The following ARHGAP6 variants were observed in gnomAD, a reference collection of about 807,000 sequenced individuals.
The protein encoded by ARHGAP6 is Rho GTPase activating protein 6.
In ARHGAP6, 16 loss-of-function variants were observed where a neutral mutation model predicts 55.7. That is an observed-to-expected ratio of 0.29 (90% CI 0.19 to 0.44). ARHGAP6 has a LOEUF of 0.44. Among genes scored for constraint, ARHGAP6 ranks in the 20% least tolerant of loss-of-function variants. The pLI, the probability that ARHGAP6 is intolerant of heterozygous loss-of-function variation, is 1.00. For synonymous variants in ARHGAP6, 382 were observed against 360.9 expected (o/e 1.06, Z -0.66); for missense variants, 698 against 808.9 (o/e 0.86, Z 1.66).
intron 1 of ARHGAP6, among the ~76,000 whole-genome samples, chrX:11,522,154 G>T (rs1241719111): frequency 9.0e-6 from 1 of 111,588 alleles, no homozygotes; most frequent in Non-Finnish European, 1.9e-5. Flanking sequence ...ATAACGAAAT[G>T]AAGGCAGAAA....
At chrX:11,198,993 ATT>A (rs1437465210) in intron 2 of ARHGAP6, among the ~76,000 whole-genome samples, 6 of 112,067 alleles carry the variant, frequency 5.4e-5, no homozygotes, top group Non-Finnish European at 1.1e-4. Context: ...AAAGAATATG[ATT>A]TTGTTTTTCC....
chrX:11,616,844 T>A (rs2052171736), intron 1 of ARHGAP6, among the ~76,000 whole-genome samples: 3 of 111,730 alleles, frequency 2.7e-5, no homozygotes, highest in African/African-American at 9.8e-5. Flanking sequence ...TTGCTAAACA[T>A]CCCACAATAC....
intron 1 of ARHGAP6, among the ~76,000 whole-genome samples, chrX:11,321,120 G>T (rs774557271): frequency 1.7e-4 from 19 of 111,848 alleles, no homozygotes; most frequent in African/African-American, 5.8e-4. Context: ...CAATACAAAA[G>T]TCTGCATTTT....
chrX:11,162,401 T>C (rs1289160242), intron 9 of ARHGAP6, among the ~76,000 whole-genome samples: 1 of 103,060 alleles, frequency 9.7e-6, no homozygotes, highest in Non-Finnish European at 2.0e-5. Flanking sequence ...CAGTTGATTA[T>C]TGTTCTCCTT....
chrX:11,635,685 A>C (rs1048171255), intron 1 of ARHGAP6, among the ~76,000 whole-genome samples: 2 of 111,358 alleles, frequency 1.8e-5, no homozygotes, highest in Non-Finnish European at 3.8e-5. Context: ...AAGATTATAA[A>C]CCCAGAAGAA....
chrX:11,169,390 G>T, intron 9 of ARHGAP6, 115 bp downstream of exon 9: 1 of 665,050 alleles, frequency 1.5e-6, no homozygotes, highest in Non-Finnish European at 2.1e-6. Flanking sequence ...GACTTCCAAT[G>T]AATTCAGTGA....
chrX:11,296,591 CA>C (rs2048088186), intron 1 of ARHGAP6, among the ~76,000 whole-genome samples: 1 of 112,076 alleles, frequency 8.9e-6, no homozygotes, highest in Admixed American at 9.4e-5. Context: ...CTCTTCTATA[CA>C]GCACATTTGT....
At position 11,138,702 on chromosome X, in the gene ARHGAP6, G is replaced by T; in HGVS notation, c.*161C>A. ...TGGAACCTTATTCTCAATGGCGGGG[G>T]CGTGAGTGCTCTACCTCTGTAGGTG... On this transcript the variant is annotated 3_prime_UTR_variant, in exon 13 of 13. Coordinates refer to ENST00000337414, the MANE Select transcript of ARHGAP6 (RefSeq NM_013427.3). 1 of 548,332 alleles carries T rather than the reference G, an allele frequency of 1.8e-6. No individual in the cohort carries two copies. Among genetic ancestry groups the T allele is most frequent in the Non-Finnish European group, 2.9e-6 (1 of 349,178 alleles). The allele number at this position is 548,332 out of a possible 1,213,427, so 45.2% of individuals were successfully genotyped here. A position where few individuals can be genotyped will look rare whatever the true frequency, so the allele number is the denominator to read the frequency against.
chrX:11,558,903 C>T (rs1317040110), intron 1 of ARHGAP6, among the ~76,000 whole-genome samples: 1 of 102,023 alleles, frequency 9.8e-6, no homozygotes, highest in Non-Finnish European at 2.0e-5. Context: ...TGAAGCAGCT[C>T]CCCTTATGGA....
At chrX:11,662,160 T>C (rs1195859361) in intron 1 of ARHGAP6, among the ~76,000 whole-genome samples, 1 of 112,042 alleles carries the variant, frequency 8.9e-6, no homozygotes, top group African/African-American at 3.2e-5. Flanking sequence ...GACTCTCCTT[T>C]AAGGACCAAA....
At chrX:11,153,930 A>G (rs1354903915) in intron 10 of ARHGAP6, among the ~76,000 whole-genome samples, 1 of 110,631 alleles carries the variant, frequency 9.0e-6, no homozygotes, top group Admixed American at 9.6e-5. Flanking sequence ...GTCATTTAGC[A>G]TTAGGTATAT....
chrX:11,525,122 C>T (rs1234587004), intron 1 of ARHGAP6, among the ~76,000 whole-genome samples: 3 of 111,467 alleles, frequency 2.7e-5, no homozygotes, highest in East Asian at 5.6e-4. Context: ...GGCCATGTAC[C>T]GGTACTGGTC....
rs147922112 is a variant in ARHGAP6, at chrX:11,659,498, G to T, written c.588+4743C>A. Among the ~76,000 whole-genome samples the T allele has an allele frequency of 5.1e-3, 564 of 111,101 alleles. 2 individuals are homozygous for T. Among genetic ancestry groups the T allele is most frequent in the Middle Eastern group, 0.018 (4 of 217 alleles). Reference sequence around the variant, plus strand: ...TAGATGCCGGTAGGAACTCCCCTGTGGTAGACAGAATAATATACCACCAAA... The same window carrying T: ...TAGATGCCGGTAGGAACTCCCCTGTTGTAGACAGAATAATATACCACCAAA... On this transcript the variant is annotated intron_variant, in intron 1 of 12. Transcript: ENST00000337414.
At chrX:11,271,026 C>T (rs1195511978) in intron 1 of ARHGAP6, among the ~76,000 whole-genome samples, 1 of 111,739 alleles carries the variant, frequency 8.9e-6, no homozygotes, top group African/African-American at 3.3e-5. Flanking sequence ...TCCTTCTACT[C>T]ATGTAGTGAG....
chrX:11,389,468 G>C lies in ARHGAP6; in HGVS notation c.589-134761C>G, dbSNP rs183686345. 5.0e-4 allele frequency among the ~76,000 whole-genome samples: 56 copies of C among 112,276 alleles called. No homozygotes were observed. In the East Asian group the frequency reaches 0.015, roughly 31 times the overall value. On this transcript the variant is annotated intron_variant, in intron 1 of 12. Coordinates refer to ENST00000337414, the MANE Select transcript of ARHGAP6 (RefSeq NM_013427.3). ...TCAAGGACTGGAGAATTAAAACATT[G>C]GCCAACCAAGTGAAGTTGCTAAAGC... is the stretch of plus-strand genomic sequence containing the variant.
intron 1 of ARHGAP6, among the ~76,000 whole-genome samples, chrX:11,520,406 G>A (rs1346054768): frequency 3.8e-5 from 4 of 104,870 alleles, no homozygotes; most frequent in Non-Finnish European, 7.8e-5. Context: ...GTGAGAACAC[G>A]CAGTGTTTGG....
At chrX:11,356,711 G>A (rs1164461454) in intron 1 of ARHGAP6, among the ~76,000 whole-genome samples, 1 of 110,996 alleles carries the variant, frequency 9.0e-6, no homozygotes, top group East Asian at 2.8e-4. Context: ...TTGTTAGACT[G>A]TGCTTCAACA....
intron 2 of ARHGAP6, among the ~76,000 whole-genome samples, chrX:11,205,544 A>G (rs1216857656): frequency 8.9e-6 from 1 of 111,941 alleles, no homozygotes; most frequent in African/African-American, 3.2e-5. Flanking sequence ...TATAACTCAC[A>G]CAGACCCTGA....
At chrX:11,221,978 C>T (rs867272579) in intron 2 of ARHGAP6, among the ~76,000 whole-genome samples, 1 of 110,781 alleles carries the variant, frequency 9.0e-6, no homozygotes, top group Non-Finnish European at 1.9e-5. Flanking sequence ...TTTCATGTTC[C>T]TAATTTAGCT....
Sources: gnomAD v4.1 joint callset for allele counts (sites outside exome capture counted in the v4.1 genomes callset) on GRCh38, gnomAD v4.1.1 for gene constraint, MANE v1.5 for transcripts, NCBI Gene and HGNC (gene_info 2026-07-23, HGNC 2026-07-21) for gene names.